DNAH17: variants seen among roughly 807,000 people sequenced by gnomAD.
DNAH17 encodes axonemal beta dynein heavy chain 17.
DNAH17 carries 376 observed loss-of-function variants against 485.6 expected under a neutral mutation model. That is an observed-to-expected ratio of 0.77 (90% CI 0.71 to 0.84). The LOEUF is 0.84. Ranked by LOEUF, DNAH17 falls within the 40% of genes least tolerant of loss-of-function variation. The probability of loss-of-function intolerance (pLI) is 0.00; values close to 1 mark genes in which losing one functional copy is unlikely to be tolerated. For synonymous variants in DNAH17, 3,031 were observed against 2,405.9 expected (o/e 1.26, Z -7.60); for missense variants, 6,370 against 5,839.3 (o/e 1.09, Z -2.96).
intron 5 of DNAH17, 21 bp from the exon 6 acceptor site, chr17:78,571,054 T>C (rs544693707): frequency 1.1e-4 from 172 of 1,557,134 alleles, no homozygotes; most frequent in Middle Eastern, 3.3e-4. Context: ...CAAGAACAAG[T>C]GCCCACCGGT....
At chr17:78,536,966 G>A (rs1187234276) in intron 19 of DNAH17, among the ~76,000 whole-genome samples, 3 of 151,848 alleles carry the variant, frequency 2.0e-5, no homozygotes, top group Non-Finnish European at 4.4e-5. Context: ...ATGAGTTCAG[G>A]AGATCCAGAC....
At chr17:78,536,767 A>AG (rs1284080492) in intron 19 of DNAH17, among the ~76,000 whole-genome samples, 1 of 146,684 alleles carries the variant, frequency 6.8e-6, no homozygotes. Context: ...AAGGATGATG[A>AG]GGGAATGAAA....
rs1555686715 is a variant in DNAH17, at chr17:78,537,188, A to AAAAGG, written c.2859+110_2859+111insCCTTT. 3,441 of 1,156,556 alleles carry AAAAGG rather than the reference A, an allele frequency of 3.0e-3. 21 individuals are homozygous for AAAAGG. The highest frequency in any genetic ancestry group is 0.024 in the African/African-American group (821 of 34,046). 71.6% of individuals were successfully genotyped at this position (1,156,556 alleles called of 1,614,324 possible). A position where few individuals can be genotyped will look rare whatever the true frequency, so the allele number is the denominator to read the frequency against. On this transcript the variant is annotated intron_variant, in intron 19 of 80. Transcript: ENST00000389840. ...GTGAGATTCCGTCTCAAAAAAAAAAAAAGAAAAAAAGAAAAGGTAAACGGC... is the reference window on the plus strand; with the variant it reads ...GTGAGATTCCGTCTCAAAAAAAAAAAAAAGGAAGAAAAAAAGAAAAGGTAAACGGC...
intron 16 of DNAH17, among the ~76,000 whole-genome samples, chr17:78,545,513 G>A (rs547048812): frequency 1.0e-3 from 152 of 152,224 alleles, no homozygotes; most frequent in Non-Finnish European, 1.7e-3. Flanking sequence ...CTCACATGGC[G>A]GAGGGGCAGA....
At chr17:78,504,119 G>A (rs1211002090) in intron 31 of DNAH17, among the ~76,000 whole-genome samples, 2 of 151,632 alleles carry the variant, frequency 1.3e-5, no homozygotes, top group Non-Finnish European at 2.9e-5. Flanking sequence ...AGACTGGAGT[G>A]TAGTGGCGTG....
rs2086402361 is a variant in DNAH17 at position 78,425,464 on chromosome 17, C to T, written c.13023G>A (p.Arg4341=). 6.2e-7 allele frequency: 1 copy of T among 1,613,868 alleles called. No individual in the cohort carries two copies. Among genetic ancestry groups the T allele is most frequent in the Non-Finnish European group, 8.5e-7 (1 of 1,179,932 alleles). ...FLTAIMQSMA[R]KNEWPLDKMC... is the part of the protein sequence containing the mutation. ...TCTTGTCCAGGGGCCACTCGTTCTT[C>T]CTGGCCATGGACTGCATGATGGCCG... The change falls in exon 80 of 81, where the codon AGG becomes AGA. Residue 4341 remains arginine, a synonymous_variant. Transcript: ENST00000389840.
At chr17:78,440,952 G>A in intron 72 of DNAH17, 99 bp downstream of exon 72, 1 of 1,420,314 alleles carries the variant, frequency 7.0e-7, no homozygotes, top group Non-Finnish European at 9.7e-7. Flanking sequence ...TCTTGGGTGT[G>A]AAGTGGTGTC....
At chr17:78,484,574 TC>T (rs35826878) in intron 48 of DNAH17, among the ~76,000 whole-genome samples, 90,695 of 151,376 alleles carry the variant, frequency 0.6, 27,554 homozygotes, top group Admixed American at 0.69. Flanking sequence ...GGAAGGAGGA[TC>T]CCCCCCTCCG....
chr17:78,530,960 G>A (rs534719687), intron 20 of DNAH17, among the ~76,000 whole-genome samples: 1 of 152,330 alleles, frequency 6.6e-6, no homozygotes, highest in Admixed American at 6.5e-5. Context: ...ACTGTGCATT[G>A]GGAACAGAGC....
intron 9 of DNAH17, among the ~76,000 whole-genome samples, chr17:78,568,577 G>A (rs995107214): frequency 2.0e-5 from 3 of 152,184 alleles, no homozygotes; most frequent in African/African-American, 7.2e-5. Context: ...CAGAGCCCCA[G>A]AGAAAACCGC....
In DNAH17 at chr17:78,502,656, C is replaced by T; in HGVS notation, c.5125G>A (p.Gly1709Ser). The T allele has an allele frequency of 6.2e-7, 1 of 1,612,944 alleles. No homozygotes were observed. The highest frequency in any genetic ancestry group is 8.5e-7 in the Non-Finnish European group (1 of 1,179,944). ...TCCTCCAGCCTGGCAAATGCCAGGCCCACCTCGGTCGTCCACCAGATCTGG... is the reference window on the plus strand; with the variant it reads ...TCCTCCAGCCTGGCAAATGCCAGGCTCACCTCGGTCGTCCACCAGATCTGG... ...CTQIWWTTEV[G>S]LAFARLEEGY... The change falls in exon 33 of 81, where the codon GGC becomes AGC. Residue 1709 changes from glycine to serine, a missense_variant. Transcript: ENST00000389840.
Position 78,461,502 on chromosome 17 carries a change from G to A in DNAH17, c.9339+42C>T, listed in dbSNP as rs1243423396. The A allele has an allele frequency of 3.3e-6, 5 of 1,510,328 alleles. No individual in the cohort carries two copies. In the African/African-American group the frequency reaches 4.1e-5, roughly 13 times the overall value. The allele number at this position is 1,510,328 out of a possible 1,614,324, so 93.6% of individuals were successfully genotyped here. On this transcript the variant is annotated intron_variant, in intron 58 of 80. Transcript: ENST00000389840. ...TGGAAGCCCAGGAGGCCTGGCCAGT[G>A]CAGCAGCCTTCCTGAAGGCACGCTG...
chr17:78,557,876 G>A (rs1469314049), intron 14 of DNAH17, among the ~76,000 whole-genome samples: 1 of 152,022 alleles, frequency 6.6e-6, no homozygotes, highest in Non-Finnish European at 1.5e-5. Flanking sequence ...TCTCCAAGTG[G>A]AACAGAACAG....
chr17:78,567,122 G>A lies in DNAH17; in HGVS notation c.1329C>T (p.Ile443=), dbSNP rs370895011. ...GGTTCCCACGCACGCCCCCAAGCTC[G>A]ATTTTCTCCAGCTTCAGAAACTCAA... The part of the protein sequence containing the change: ...TAIEFLKLEK[I]ELGGVRGNLL... Residue 443 remains isoleucine (I), a synonymous_variant, in exon 10 of 81, where the codon ATC becomes ATT. Transcript: ENST00000389840. 59 of 1,610,322 alleles carry A rather than the reference G, an allele frequency of 3.7e-5. No homozygotes were observed. The Middle Eastern group carries it at 4.9e-4, about 13-fold the overall frequency.
chr17:78,492,853 TGG>T, intron 41 of DNAH17, 88 bp from the exon 42 acceptor site: 30 of 1,142,570 alleles, frequency 2.6e-5, no homozygotes, highest in South Asian at 5.1e-5. Flanking sequence ...TGGGCCTGGA[TGG>T]TTTTTTTTTT....
intron 30 of DNAH17, among the ~76,000 whole-genome samples, chr17:78,505,725 T>G (rs550688939): frequency 6.6e-6 from 1 of 152,298 alleles, no homozygotes; most frequent in East Asian, 1.9e-4. Context: ...ACACCTGTAA[T>G]CCCAGCACTT....
At chr17:78,440,403 TA>T (rs2087028273) in intron 72 of DNAH17, among the ~76,000 whole-genome samples, 1 of 151,860 alleles carries the variant, frequency 6.6e-6, no homozygotes, top group African/African-American at 2.4e-5. Flanking sequence ...ACTACAGGCG[TA>T]CACCACCATA....
intron 47 of DNAH17, 95 bp from the exon 48 acceptor site, chr17:78,485,128 A>C (rs912969453): frequency 6.9e-7 from 1 of 1,441,208 alleles, no homozygotes; most frequent in East Asian, 2.5e-5. Context: ...GGAGGACAGA[A>C]GGTGGGACCT....
intron 31 of DNAH17, among the ~76,000 whole-genome samples, chr17:78,503,334 C>G (rs912381052): frequency 3.1e-5 from 4 of 129,242 alleles, no homozygotes; most frequent in Non-Finnish European, 4.8e-5. Flanking sequence ...CGCCCGCCCC[C>G]ACTCCCGGCA....
Sources: gnomAD v4.1 joint callset for allele counts (sites outside exome capture counted in the v4.1 genomes callset) on GRCh38, gnomAD v4.1.1 for gene constraint, MANE v1.5 for transcripts, NCBI Gene and HGNC (gene_info 2026-07-23, HGNC 2026-07-21) for gene names.